EYS: variants seen among roughly 807,000 people sequenced by gnomAD.
EYS encodes the protein protein eyes shut homolog.
In EYS, 250 loss-of-function variants were observed where a neutral mutation model predicts 282.1. The ratio of observed to expected loss-of-function variants is 0.89; its 90% CI spans 0.80 to 0.98. The LOEUF (loss-of-function observed/expected upper bound fraction) is 0.98, where lower values mean the gene tolerates loss of function less well. EYS is among the 50% of genes least tolerant of loss of function. EYS has a pLI of 0.00. For missense variants in EYS, 4,016 were observed against 3,709.0 expected, an observed-to-expected ratio of 1.08 and a Z score of -2.15; for synonymous variants, 1,355 against 1,282.9, an observed-to-expected ratio of 1.06 and a Z score of -1.20.
At chr6:63,830,107 G>T (rs997683903) in intron 36 of EYS, among the ~76,000 whole-genome samples, 2 of 152,156 alleles carry the variant, frequency 1.3e-5, no homozygotes, top group African/African-American at 4.8e-5. Flanking sequence ...CCACAAAGAT[G>T]GGGAGAAACC....
chr6:65,250,481 T>A (rs1767292718), intron 12 of EYS, among the ~76,000 whole-genome samples: 1 of 151,948 alleles, frequency 6.6e-6, no homozygotes, highest in Non-Finnish European at 1.5e-5. Flanking sequence ...GGGTTACTAG[T>A]GAGCAGAGTA....
chr6:64,322,694 C>A (rs1249178594), intron 29 of EYS, among the ~76,000 whole-genome samples: 1 of 152,018 alleles, frequency 6.6e-6, no homozygotes, highest in African/African-American at 2.4e-5. Flanking sequence ...ATTGGAATGA[C>A]AAAATTACAG....
At chr6:64,255,923 A>G (rs1170362055) in intron 30 of EYS, among the ~76,000 whole-genome samples, 1 of 151,960 alleles carries the variant, frequency 6.6e-6, no homozygotes, top group Non-Finnish European at 1.5e-5. Flanking sequence ...CTATGATCAC[A>G]TAGTTAAAAA....
chr6:64,509,789 A>C (rs1777326405), intron 26 of EYS, among the ~76,000 whole-genome samples: 1 of 152,248 alleles, frequency 6.6e-6, no homozygotes, highest in South Asian at 2.1e-4. Flanking sequence ...TATTTTCAAT[A>C]GCGTGCAGTA....
chr6:64,874,742 A>G (rs1766692306), intron 19 of EYS, among the ~76,000 whole-genome samples: 2 of 152,138 alleles, frequency 1.3e-5, no homozygotes, highest in Admixed American at 1.3e-4. Context: ...ATCCATAAGT[A>G]AAGCTGGTGA....
intron 31 of EYS, among the ~76,000 whole-genome samples, chr6:64,188,300 T>C (rs996463091): frequency 3.3e-5 from 5 of 152,122 alleles, no homozygotes; most frequent in Non-Finnish European, 5.9e-5. Context: ...TCCAGATTTA[T>C]GAACTTAAAA....
chr6:63,888,813 T>C (rs1204127387), intron 35 of EYS, among the ~76,000 whole-genome samples: 4 of 152,162 alleles, frequency 2.6e-5, no homozygotes, highest in South Asian at 2.1e-4. Flanking sequence ...AGAAGTAGGC[T>C]TCAGAAGGTG....
intron 19 of EYS, among the ~76,000 whole-genome samples, chr6:64,828,941 G>T (rs1299354932): frequency 6.6e-6 from 1 of 151,964 alleles, no homozygotes; most frequent in Non-Finnish European, 1.5e-5. Context: ...TTATTAAGAG[G>T]TTACCCAAGA....
intron 5 of EYS, among the ~76,000 whole-genome samples, chr6:65,442,037 C>G (rs1213427135): frequency 2.0e-5 from 3 of 151,908 alleles, no homozygotes; most frequent in Non-Finnish European, 4.4e-5. Context: ...TAACTGAAAG[C>G]CTGGTTTATT....
intron 2 of EYS, among the ~76,000 whole-genome samples, chr6:65,613,244 T>C (rs354383): frequency 0.07 from 10,638 of 151,880 alleles, 622 homozygotes; most frequent in East Asian, 0.16. Flanking sequence ...TGGAATACAA[T>C]AGATGTTCAG....
At chr6:64,137,600 A>T (rs1293823176) in intron 31 of EYS, among the ~76,000 whole-genome samples, 2 of 152,034 alleles carry the variant, frequency 1.3e-5, no homozygotes, top group Non-Finnish European at 2.9e-5. Context: ...ATTGTGTCTC[A>T]GGAAATAGGC....
chr6:64,416,316 T>C (rs547618746), intron 28 of EYS, among the ~76,000 whole-genome samples: 1 of 152,302 alleles, frequency 6.6e-6, no homozygotes, highest in Non-Finnish European at 1.5e-5. Flanking sequence ...AGATATAAAA[T>C]TCTGATGCTT....
chr6:65,629,960 CAAG>C (rs1358388890), intron 2 of EYS, among the ~76,000 whole-genome samples: 7 of 152,226 alleles, frequency 4.6e-5, no homozygotes, highest in South Asian at 4.1e-4. Flanking sequence ...TAAGTGAAGA[CAAG>C]AAGGATAATA....
intron 14 of EYS, among the ~76,000 whole-genome samples, chr6:64,948,496 A>C (rs1208511646): frequency 2.0e-5 from 3 of 146,958 alleles, no homozygotes; most frequent in East Asian, 3.9e-4. Flanking sequence ...TAAATATTTT[A>C]ATATTAATTA....
At chr6:64,164,053 A>G (rs1481311143) in intron 31 of EYS, among the ~76,000 whole-genome samples, 1 of 152,108 alleles carries the variant, frequency 6.6e-6, no homozygotes, top group Non-Finnish European at 1.5e-5. Flanking sequence ...AATGTTTCTG[A>G]AGCATCAGAA....
intron 17 of EYS, 37 bp from the exon 18 acceptor site, chr6:64,902,257 T>C (rs879191102): frequency 1.4e-6 from 2 of 1,432,774 alleles, no homozygotes; most frequent in Non-Finnish European, 9.5e-7. Flanking sequence ...CATTAGTATA[T>C]ATGTATAAAA....
intron 37 of EYS, among the ~76,000 whole-genome samples, chr6:63,798,696 T>C (rs998074864): frequency 6.6e-6 from 1 of 152,064 alleles, no homozygotes; most frequent in African/African-American, 2.4e-5. Flanking sequence ...TTCTGTAGGG[T>C]GACATTCATT....
At chr6:63,780,318 C>T (rs1010952704) in intron 39 of EYS, among the ~76,000 whole-genome samples, 1 of 152,114 alleles carries the variant, frequency 6.6e-6, no homozygotes, top group Non-Finnish European at 1.5e-5. Flanking sequence ...TTGAGGAATC[C>T]ACTCACTGTC....
At chr6:64,703,427 A>ATTT (rs1488123469) in intron 22 of EYS, among the ~76,000 whole-genome samples, 4 of 28,420 alleles carry the variant, frequency 1.4e-4, no homozygotes, top group Non-Finnish European at 3.1e-4. Context: ...ATATATATAT[A>ATTT]TATTTTTTTT....
Sources: allele counts gnomAD v4.1 joint callset (sites outside exome capture counted in the v4.1 genomes callset), GRCh38; gene constraint gnomAD v4.1.1; transcripts MANE v1.5; gene names NCBI Gene and HGNC (gene_info 2026-07-23, HGNC 2026-07-21).